The following SORD variants were observed in gnomAD, a reference collection of about 807,000 sequenced individuals.
SORD encodes the protein sorbitol dehydrogenase.
Under a neutral mutation model 35.6 loss-of-function variants are expected in SORD, and 18 were observed. The ratio of observed to expected loss-of-function variants is 0.51; its 90% CI spans 0.35 to 0.75. The LOEUF is 0.75. Ranked by LOEUF, SORD falls within the 30% of genes least tolerant of loss-of-function variation. The probability of loss-of-function intolerance (pLI) is 0.01; values close to 1 mark genes in which losing one functional copy is unlikely to be tolerated. For missense variants in SORD, 250 were observed against 390.2 expected (o/e 0.64, Z 3.03); for synonymous variants, 106 against 152.9 (o/e 0.69, Z 2.26).
chr15:45,066,120 C>G (rs186883667), intron 5 of SORD, among the ~76,000 whole-genome samples: 1 of 151,434 alleles, frequency 6.6e-6, no homozygotes, highest in African/African-American at 2.4e-5. Flanking sequence ...GGTGCACCCC[C>G]TGTAGTCCCA....
chr15:45,061,771 A>C (rs1260287604), intron 4 of SORD, among the ~76,000 whole-genome samples: 1 of 152,066 alleles, frequency 6.6e-6, no homozygotes, highest in Non-Finnish European at 1.5e-5. Flanking sequence ...TGGGAGGCTG[A>C]GGCAGGAGAA....
At position 45,058,777 on chromosome 15, in the gene SORD, A is replaced by G. The variant is rs528504375; in HGVS notation, c.266-2290A>G. The stretch of plus-strand genomic sequence containing the variant: ...GTTGTTGTTTTCCAGTTAAATACGA[A>G]GGTTTTTATAAGAAACTTCCCTTAT... On this transcript the variant is annotated intron_variant, in intron 3 of 8. Transcript: ENST00000267814. 4.6e-5 allele frequency: 7 copies of G among 152,322 alleles called. 1 individual carries two copies. Among genetic ancestry groups the G allele is most frequent in the African/African-American group, 1.7e-4 (7 of 41,566 alleles). The allele number at this position is 152,322 out of a possible 1,614,324, so 9.4% of individuals were successfully genotyped here.
chr15:45,064,947 G>A (rs1893380567), intron 4 of SORD, among the ~76,000 whole-genome samples: 1 of 152,154 alleles, frequency 6.6e-6, no homozygotes, highest in African/African-American at 2.4e-5. Context: ...ATTGTGGCAT[G>A]GGTTCTGTGA....
rs572990389 is a variant in SORD at position 45,069,025 on chromosome 15, A to G, written c.759A>G (p.Ala253=). Reference sequence around the variant, plus strand: ...AAGTCACCATCGAGTGCACGGGGGCAGAGGCCTCCATCCAGGCGGGCATCT... The same window carrying G: ...AAGTCACCATCGAGTGCACGGGGGCGGAGGCCTCCATCCAGGCGGGCATCT... ...KPEVTIECTG[A]EASIQAGIYA... The change falls in exon 7 of 9, where the codon GCA becomes GCG. Residue 253 remains alanine, a synonymous_variant. Transcript: ENST00000267814. 2.5e-5 allele frequency: 41 copies of G among 1,611,628 alleles called. No homozygotes were observed. The African/African-American group carries it at 5.1e-4, about 20-fold the overall frequency.
At chr15:45,043,771 C>G (rs1231282016) in intron 3 of SORD, among the ~76,000 whole-genome samples, 2 of 149,902 alleles carry the variant, frequency 1.3e-5, no homozygotes, top group African/African-American at 5.0e-5. Context: ...GGAAACCAAA[C>G]TACCTTTACA....
At chr15:45,070,366 A>C (rs1161424833) in intron 7 of SORD, 1 of 152,178 alleles carries the variant, frequency 6.6e-6, no homozygotes, top group East Asian at 1.9e-4. Context: ...TCACAGCAGG[A>C]GGGCACTTTG....
intron 4 of SORD, among the ~76,000 whole-genome samples, chr15:45,063,098 G>A (rs1893348073): frequency 1.4e-5 from 2 of 144,210 alleles, no homozygotes; most frequent in Non-Finnish European, 3.0e-5. Context: ...TGGCAGTGGG[G>A]GTGCTGAGGA....
At chr15:45,072,498 A>G (rs1416156856) in intron 8 of SORD, 60 bp downstream of exon 8, 10 of 212,950 alleles carry the variant, frequency 4.7e-5, no homozygotes, top group African/African-American at 1.9e-4. Flanking sequence ...GGCAGGCCCC[A>G]CTCAGCCTCT....
chr15:45,040,920 A>G (rs1359279928), intron 2 of SORD, among the ~76,000 whole-genome samples: 1 of 152,172 alleles, frequency 6.6e-6, no homozygotes, highest in African/African-American at 2.4e-5. Context: ...CAGTCACCAA[A>G]GTGTGGGGCA....
intron 1 of SORD, among the ~76,000 whole-genome samples, chr15:45,038,707 A>G (rs1892915037): frequency 6.6e-6 from 1 of 152,228 alleles, no homozygotes; most frequent in South Asian, 2.1e-4. Flanking sequence ...AGGAAAAGTA[A>G]AAAGCCACTG....
At position 45,065,358 on chromosome 15, in the gene SORD, C is replaced by T. The variant is rs766299719; in HGVS notation, c.513C>T (p.Thr171=). ...GIHACRRGGV[T]LGHKVLVCGA... ...ATGCCTGCAGGAGAGGCGGAGTTAC[C>T]CTGGGACACAAGGTCCTTGTGTGTG... Residue 171 remains threonine (T), a synonymous_variant, in exon 5 of 9, where the codon ACC becomes ACT. Coordinates refer to ENST00000267814, the MANE Select transcript of SORD (RefSeq NM_003104.6). 1.9e-6 allele frequency: 3 copies of T among 1,613,532 alleles called. No homozygotes were observed. In the Admixed American group the frequency reaches 5.0e-5, roughly 27 times the overall value.
intron 3 of SORD, among the ~76,000 whole-genome samples, chr15:45,048,401 GC>G (rs1433131192): frequency 1.3e-5 from 2 of 152,154 alleles, no homozygotes; most frequent in African/African-American, 4.8e-5. Context: ...TGATGAGGAG[GC>G]AAAATAGTCA....
chr15:45,032,178 C>T (rs1410736669), intron 1 of SORD, among the ~76,000 whole-genome samples: 1 of 141,052 alleles, frequency 7.1e-6, no homozygotes, highest in Non-Finnish European at 1.5e-5. Flanking sequence ...TGTTACTTAA[C>T]AGGTATTCAG....
chr15:45,057,346 C>T (rs904130947), intron 3 of SORD, among the ~76,000 whole-genome samples: 5 of 151,948 alleles, frequency 3.3e-5, no homozygotes, highest in African/African-American at 1.2e-4. Context: ...CATGCATGTG[C>T]TGTAAAATAG....
intron 7 of SORD, among the ~76,000 whole-genome samples, chr15:45,069,530 T>G (rs538775134): frequency 2.6e-5 from 4 of 152,240 alleles, no homozygotes; most frequent in African/African-American, 9.6e-5. Flanking sequence ...AGACTGTACT[T>G]GAACTTGCCT....
chr15:45,039,272 G>T (rs1595498230), intron 1 of SORD, among the ~76,000 whole-genome samples: 1 of 152,098 alleles, frequency 6.6e-6, no homozygotes, highest in East Asian at 1.9e-4. Context: ...GAGACTACAG[G>T]CGCGTGCCAC....
chr15:45,034,843 C>G lies in SORD; in HGVS notation c.67-5565C>G, dbSNP rs562290777. ...GCAGGGAGGTGTGGAGAGAGAGGCG[C>G]GAGCGGAAACCGGGGCTTCGCGCCG... On this transcript the variant is annotated intron_variant, in intron 1 of 8. Coordinates refer to ENST00000267814, the MANE Select transcript of SORD (RefSeq NM_003104.6). 2.0e-5 allele frequency among the ~76,000 whole-genome samples: 3 copies of G among 152,326 alleles called. 1 individual carries two copies. Among genetic ancestry groups the G allele is most frequent in the African/African-American group, 7.2e-5 (3 of 41,576 alleles).
intron 1 of SORD, among the ~76,000 whole-genome samples, chr15:45,030,799 A>G (rs1354637358): frequency 2.6e-5 from 4 of 152,244 alleles, no homozygotes; most frequent in African/African-American, 9.6e-5. Context: ...GAGAGAAAGG[A>G]GTCACCTCTC....
At position 45,024,551 on chromosome 15, in the gene SORD, C is replaced by A. The variant is rs546099888; in HGVS notation, c.66+1202C>A. On this transcript the variant is annotated intron_variant, in intron 1 of 8. Transcript: ENST00000267814. Reference sequence around the variant, plus strand: ...CAAGGACTCAGATGTTCAGACTCCCCATTCTAGTGCTCATTCCACTCTTTG... The same window carrying A: ...CAAGGACTCAGATGTTCAGACTCCCAATTCTAGTGCTCATTCCACTCTTTG... Among the ~76,000 whole-genome samples the A allele has an allele frequency of 9.6e-3, 1,466 of 152,234 alleles. 34 individuals carry two copies. Among genetic ancestry groups the A allele is most frequent in the African/African-American group, 0.034 (1,397 of 41,502 alleles).
Sources: gnomAD v4.1 joint callset for allele counts (sites outside exome capture counted in the v4.1 genomes callset) on GRCh38, gnomAD v4.1.1 for gene constraint, MANE v1.5 for transcripts, NCBI Gene and HGNC (gene_info 2026-07-23, HGNC 2026-07-21) for gene names.